PPM1F: variants seen among roughly 807,000 people sequenced by gnomAD.
PPM1F encodes protein phosphatase, Mg2+/Mn2+ dependent 1F.
In PPM1F, 17 loss-of-function variants were observed where a neutral mutation model predicts 35.5. The ratio of observed to expected loss-of-function variants is 0.48; its 90% CI spans 0.33 to 0.72. The LOEUF is 0.72. Among genes scored for constraint, PPM1F ranks in the 30% least tolerant of loss-of-function variants. The probability of loss-of-function intolerance (pLI) is 0.02; values close to 1 mark genes in which losing one functional copy is unlikely to be tolerated. For synonymous variants in PPM1F, 241 were observed against 255.5 expected, an observed-to-expected ratio of 0.94 and a Z score of 0.54; for missense variants, 521 against 613.0, an observed-to-expected ratio of 0.85 and a Z score of 1.59.
In PPM1F at chr22:21,925,623, A is replaced by T; in HGVS notation, c.931T>A (p.Ser311Thr). 1.2e-6 allele frequency: 2 copies of T among 1,605,214 alleles called. No homozygotes were observed. Among genetic ancestry groups the T allele is most frequent in the East Asian group, 4.5e-5 (2 of 44,622 alleles). Residue 311 changes from serine (S) to threonine (T), a missense_variant, in exon 7 of 8, where the codon TCT becomes ACT. Transcript: ENST00000263212. Reference protein sequence around the residue: ...ARIEALGGFVSHMDCWRVNGT... With the variant: ...ARIEALGGFVTHMDCWRVNGT... ...TTGACTCTCCAGCAGTCCATGTGAG[A>T]CACAAAGCCACCCAATGCTTCAATG...
Position 21,931,958 on chromosome 22 carries a change from G to A in PPM1F, c.748-667C>T, listed in dbSNP as rs578213969. Among the ~76,000 whole-genome samples the A allele has an allele frequency of 9.9e-5, 15 of 152,090 alleles. No individual in the cohort carries two copies. In the South Asian group the frequency reaches 1.0e-3, roughly 11 times the overall value. On this transcript the variant is annotated intron_variant, in intron 5 of 7. Coordinates refer to ENST00000263212, the MANE Select transcript of PPM1F (RefSeq NM_014634.4). ...CTCCCAAGTAGCTGGGACTATAGGC[G>A]CGTGCCACCATACCTGGCTAATTTT...
At chr22:21,949,518 T>C (rs1431541349) in intron 1 of PPM1F, 2 of 152,464 alleles carry the variant, frequency 1.3e-5, no homozygotes, top group Non-Finnish European at 1.5e-5. Context: ...CTGTGGTTCT[T>C]TGAGGGATCA....
chr22:21,927,210 G>A (rs1296212959), intron 6 of PPM1F, among the ~76,000 whole-genome samples: 1 of 152,254 alleles, frequency 6.6e-6, no homozygotes, highest in African/African-American at 2.4e-5. Context: ...GGAGGGAAGA[G>A]CAGGAGACAG....
At chr22:21,933,061 G>T (rs2070611832) in intron 5 of PPM1F, among the ~76,000 whole-genome samples, 2 of 152,148 alleles carry the variant, frequency 1.3e-5, no homozygotes, top group Non-Finnish European at 2.9e-5. Flanking sequence ...CTTTGTTAAG[G>T]TCCTGGTCTG....
rs1207472467 is a variant in PPM1F, at chr22:21,921,834, C to T, written c.*1258G>A. ...GTTCCAATCACACAGCAGCAAGGTC[C>T]CTCTGCCTGGGATCCAGCCAGGCCC... On this transcript the variant is annotated 3_prime_UTR_variant, in exon 8 of 8. Transcript: ENST00000263212. The T allele has an allele frequency of 6.6e-6, 1 of 152,238 alleles. No homozygotes were observed. Among genetic ancestry groups the T allele is most frequent in the Non-Finnish European group, 1.5e-5 (1 of 68,048 alleles). 9.4% of individuals were successfully genotyped at this position (152,238 alleles called of 1,614,324 possible).
chr22:21,933,652 C>T, intron 4 of PPM1F, 73 bp from the exon 5 acceptor site: 2 of 1,365,668 alleles, frequency 1.5e-6, no homozygotes, highest in Non-Finnish European at 2.1e-6. Flanking sequence ...GCGCCAGGCA[C>T]TGATGGGGTA....
intron 3 of PPM1F, chr22:21,934,909 T>C (rs944462812): frequency 1.5e-5 from 2 of 133,908 alleles, no homozygotes; most frequent in African/African-American, 5.4e-5. Context: ...AAAAAAAAGA[T>C]CTAGTCTCTT....
intron 5 of PPM1F, 135 bp from the exon 6 acceptor site, chr22:21,931,426 A>G (rs527874741): frequency 2.4e-6 from 2 of 826,282 alleles, no homozygotes; most frequent in East Asian, 5.6e-5. Context: ...GTATATGTGT[A>G]TAAGCCAAAA....
rs1363899842 is a variant in PPM1F, at chr22:21,939,588, C to T, written c.299G>A (p.Arg100Lys). ...GTCCTCCTCCTCTTCTTCTTCCTCC[C>T]TGGGCAACTTCCTGAATTCGGAAAG... ...TDLSEFRKLP[R>K]EEEEEEEDDD... The change falls in exon 3 of 8, where the codon AGG becomes AAG. Residue 100 changes from arginine to lysine, a missense_variant. By Grantham distance (26) the Arg-to-Lys change is conservative. This residue lies in a region of PPM1F where 311 missense variants were observed against 351.5 expected (regional missense o/e 0.88). Coordinates refer to ENST00000263212, the MANE Select transcript of PPM1F (RefSeq NM_014634.4). The surrounding 1 kb of genome is among the most constrained non-coding windows in gnomAD (Gnocchi z 5.1). The T allele has an allele frequency of 1.9e-6, 3 of 1,570,714 alleles. No homozygotes were observed. In the African/African-American group the frequency reaches 4.0e-5, roughly 21 times the overall value.
intron 1 of PPM1F, chr22:21,948,215 G>C (rs1371372536): frequency 6.6e-6 from 1 of 151,808 alleles, no homozygotes; most frequent in Admixed American, 6.6e-5. Flanking sequence ...TGTGGCTCAG[G>C]TCTATATCTC....
intron 1 of PPM1F, 108 bp from the exon 2 acceptor site, chr22:21,946,216 C>A (rs2070776270): frequency 3.8e-6 from 2 of 523,996 alleles, no homozygotes; most frequent in Non-Finnish European, 3.3e-6. Flanking sequence ...TGGTTCAGGG[C>A]CACTAGAGGG....
At chr22:21,948,088 CTAAATT>C (rs1860557733) in intron 1 of PPM1F, 2 of 152,114 alleles carry the variant, frequency 1.3e-5, no homozygotes, top group Non-Finnish European at 2.9e-5. Flanking sequence ...TGGGGATAGA[CTAAATT>C]TATTGCTATG....
In PPM1F at chr22:21,920,959, G is replaced by A. The variant is rs2070440881; in HGVS notation, c.*2133C>T. 1 of 152,252 alleles carries A rather than the reference G, an allele frequency of 6.6e-6. No individual in the cohort carries two copies. Among genetic ancestry groups the A allele is most frequent in the African/African-American group, 2.4e-5 (1 of 41,462 alleles). 9.4% of individuals were successfully genotyped at this position (152,252 alleles called of 1,614,324 possible). ...ACAGCAGGCCTTCAAGTTAAGCCAA[G>A]CAATACTTGGTCATTGTTTGTGGCC... is the stretch of plus-strand genomic sequence containing the variant. On this transcript the variant is annotated 3_prime_UTR_variant, in exon 8 of 8. Coordinates refer to ENST00000263212, the MANE Select transcript of PPM1F (RefSeq NM_014634.4).
intron 5 of PPM1F, 106 bp from the exon 6 acceptor site, chr22:21,931,397 T>G: frequency 8.8e-7 from 1 of 1,142,528 alleles, no homozygotes; most frequent in African/African-American, 1.5e-5. Context: ...TCCGTTACTG[T>G]GGTGAGGAAT....
In PPM1F at chr22:21,923,354, T is replaced by G; in HGVS notation, c.1103A>C (p.His368Pro). 1.2e-6 allele frequency: 2 copies of G among 1,613,666 alleles called. No homozygotes were observed. Among genetic ancestry groups the G allele is most frequent in the Non-Finnish European group, 1.7e-6 (2 of 1,179,946 alleles). Reference protein sequence around the residue: ...ACDGFFDVVPHQEVVGLVQSH... With the variant: ...ACDGFFDVVPPQEVVGLVQSH... ...CTGGACCAGGCCAACAACTTCCTGG[T>G]GGGGTACGACGTCAAAGAAGCCATC... The change falls in exon 8 of 8, where the codon CAC (histidine) becomes CCC (proline). Residue 368 changes from histidine (H) to proline (P), a missense_variant. Coordinates refer to ENST00000263212, the MANE Select transcript of PPM1F (RefSeq NM_014634.4).
chr22:21,929,768 C>A (rs2070566301), intron 6 of PPM1F, among the ~76,000 whole-genome samples: 1 of 152,124 alleles, frequency 6.6e-6, no homozygotes, highest in Non-Finnish European at 1.5e-5. Flanking sequence ...CTCCTCTGTA[C>A]AATGGGGAGA....
chr22:21,938,019 T>C, intron 3 of PPM1F: 2 of 1,127,570 alleles, frequency 1.8e-6, no homozygotes, highest in South Asian at 3.0e-5. Flanking sequence ...GACTACATTC[T>C]ACTTCCGTGA....
chr22:21,919,992 G>A lies in PPM1F; in HGVS notation c.*3100C>T, dbSNP rs1173870987. ...GGGTTCTGAGGCTGGGACTGCCTCT[G>A]GGATTCTGAGGGACTGCCCTCCACC... On this transcript the variant is annotated 3_prime_UTR_variant, in exon 8 of 8. Transcript: ENST00000263212. The A allele has an allele frequency of 6.6e-6, 1 of 152,264 alleles. No homozygotes were observed. Among genetic ancestry groups the A allele is most frequent in the African/African-American group, 2.4e-5 (1 of 41,454 alleles). The allele number at this position is 152,264 out of a possible 1,614,324, so 9.4% of individuals were successfully genotyped here.
chr22:21,933,653 T>C, intron 4 of PPM1F, 74 bp from the exon 5 acceptor site: 1 of 1,359,988 alleles, frequency 7.4e-7, no homozygotes, highest in Non-Finnish European at 1.0e-6. Context: ...CGCCAGGCAC[T>C]GATGGGGTAG....
Sources: gnomAD v4.1 joint callset for allele counts (sites outside exome capture counted in the v4.1 genomes callset) on GRCh38, gnomAD v4.1.1 for gene constraint, gnomAD v4.1.1 regional missense constraint, Gnocchi (gnomAD v3.1) non-coding constraint, MANE v1.5 for transcripts, NCBI Gene and HGNC (gene_info 2026-07-23, HGNC 2026-07-21) for gene names.